The following ADAMTS19 variants were observed in gnomAD, a reference collection of about 807,000 sequenced individuals.
ADAMTS19 encodes A disintegrin and metalloproteinase with thrombospondin motifs 19.
A neutral mutation model predicts 153.3 loss-of-function variants in ADAMTS19; 93 were observed. The ratio of observed to expected loss-of-function variants is 0.61; its 90% CI spans 0.51 to 0.72. ADAMTS19 has a LOEUF of 0.72. ADAMTS19 is among the 30% of genes least tolerant of loss of function. The pLI is 0.00. For missense variants in ADAMTS19, 1,482 were observed against 1,552.1 expected (o/e 0.95, Z 0.76); for synonymous variants, 600 against 556.6 (o/e 1.08, Z -1.10).
At chr5:129,513,649 T>A (rs553608603) in intron 3 of ADAMTS19, among the ~76,000 whole-genome samples, 177 of 151,270 alleles carry the variant, frequency 1.2e-3, no homozygotes, top group African/African-American at 4.2e-3. Context: ...TTTTTTTAAA[T>A]TTTTTTGTGG....
Position 129,567,959 on chromosome 5 carries a change from G to A in ADAMTS19, c.1372+16052G>A, listed in dbSNP as rs186475484. On this transcript the variant is annotated intron_variant, in intron 7 of 22. Transcript: ENST00000274487. ...TAAGGAAACAGTGATTCCAATGACA[G>A]CCGATTTCTCATGACAAACCATGAA... Among the ~76,000 whole-genome samples, 450 of 152,214 alleles carry A rather than the reference G, an allele frequency of 3.0e-3. 9 individuals are homozygous for A. Among genetic ancestry groups the A allele is most frequent in the Middle Eastern group, 0.017 (5 of 294 alleles).
intron 21 of ADAMTS19, 54 bp downstream of exon 21, chr5:129,704,445 C>T: frequency 1.3e-6 from 2 of 1,571,888 alleles, no homozygotes; most frequent in Admixed American, 1.8e-5. Context: ...GTCAGCATTG[C>T]CCTGGGTACT....
chr5:129,648,725 A>G (rs1753178833), intron 12 of ADAMTS19, 73 bp from the exon 13 acceptor site: 1 of 1,240,966 alleles, frequency 8.1e-7, no homozygotes, highest in South Asian at 1.4e-5. Context: ...TATTAATATA[A>G]TGGCTTTTAA....
intron 10 of ADAMTS19, among the ~76,000 whole-genome samples, chr5:129,632,264 T>G (rs1752332548): frequency 6.6e-6 from 1 of 152,080 alleles, no homozygotes; most frequent in African/African-American, 2.4e-5. Flanking sequence ...ATTATAGTAC[T>G]ATTTCATTTG....
At chr5:129,507,661 CGTGT>C (rs71749669) in intron 2 of ADAMTS19, among the ~76,000 whole-genome samples, 2,033 of 142,330 alleles carry the variant, frequency 0.014, 21 homozygotes, top group Middle Eastern at 0.025. Flanking sequence ...TGCCTGTGTA[CGTGT>C]GTGTGTGTGT....
chr5:129,517,463 T>C (rs1180080534), intron 3 of ADAMTS19, among the ~76,000 whole-genome samples: 2 of 151,976 alleles, frequency 1.3e-5, no homozygotes, highest in Non-Finnish European at 2.9e-5. Context: ...ATATGGGTGC[T>C]CCAGTGTTGG....
intron 21 of ADAMTS19, among the ~76,000 whole-genome samples, chr5:129,733,676 G>A (rs1418079300): frequency 1.3e-5 from 2 of 152,034 alleles, no homozygotes; most frequent in Admixed American, 6.6e-5. Flanking sequence ...TGAGGTTGGA[G>A]AGAAAAGGGA....
At position 129,565,794 on chromosome 5, in the gene ADAMTS19, C is replaced by T. The variant is rs536918303; in HGVS notation, c.1372+13887C>T. On this transcript the variant is annotated intron_variant, in intron 7 of 22. Coordinates refer to ENST00000274487, the MANE Select transcript of ADAMTS19 (RefSeq NM_133638.6). ...ATAGAGAAGCCTTAGTATTTTCTTC[C>T]AAATCTGGATGTGAAGGGAAAAAAG... Among the ~76,000 whole-genome samples the T allele has an allele frequency of 2.6e-5, 4 of 152,032 alleles. No homozygotes were observed. In the East Asian group the frequency reaches 7.7e-4, roughly 29 times the overall value.
chr5:129,734,321 A>T (rs1757576105), intron 21 of ADAMTS19, among the ~76,000 whole-genome samples: 2 of 151,992 alleles, frequency 1.3e-5, no homozygotes, highest in South Asian at 4.1e-4. Context: ...GAAAAAAAGT[A>T]CCTTTTACCT....
intron 6 of ADAMTS19, among the ~76,000 whole-genome samples, chr5:129,534,094 G>C (rs1027346097): frequency 6.6e-6 from 1 of 152,120 alleles, no homozygotes; most frequent in Non-Finnish European, 1.5e-5. Flanking sequence ...GGAGAGTTCT[G>C]TAGATGTCTA....
At chr5:129,546,376 T>G (rs1752860227) in intron 6 of ADAMTS19, among the ~76,000 whole-genome samples, 1 of 150,218 alleles carries the variant, frequency 6.7e-6, no homozygotes, top group African/African-American at 2.5e-5. Flanking sequence ...CCCTAAAACT[T>G]AAAGTATAAT....
At chr5:129,718,833 T>C (rs573540708) in intron 21 of ADAMTS19, among the ~76,000 whole-genome samples, 2 of 152,310 alleles carry the variant, frequency 1.3e-5, no homozygotes, top group African/African-American at 4.8e-5. Flanking sequence ...TTATATTGGT[T>C]GAGGAAAAAA....
chr5:129,485,664 G>A (rs1195585533), intron 2 of ADAMTS19, among the ~76,000 whole-genome samples: 1 of 152,086 alleles, frequency 6.6e-6, no homozygotes, highest in African/African-American at 2.4e-5. Context: ...GTAAATATTT[G>A]AACTCCTTTA....
Position 129,464,593 on chromosome 5 carries a change from C to G in ADAMTS19, c.747+2836C>G, listed in dbSNP as rs890626978. 2.6e-5 allele frequency among the ~76,000 whole-genome samples: 4 copies of G among 152,184 alleles called. 1 individual carries two copies. The South Asian group carries it at 6.2e-4, about 24-fold the overall frequency. On this transcript the variant is annotated intron_variant, in intron 2 of 22. Transcript: ENST00000274487. ...TGTACCAAAGGAAATAGAACATCAG[C>G]TATCCAGTAAAGTGAACATTTATAA... is the stretch of plus-strand genomic sequence containing the variant.
In ADAMTS19 at chr5:129,501,455, T is replaced by C. The variant is rs142972939; in HGVS notation, c.748-7622T>C. Among the ~76,000 whole-genome samples the C allele has an allele frequency of 7.1e-3, 1,083 of 152,248 alleles. 3 individuals are homozygous for C. Among genetic ancestry groups the C allele is most frequent in the Non-Finnish European group, 0.01 (684 of 68,014 alleles). On this transcript the variant is annotated intron_variant, in intron 2 of 22. Coordinates refer to ENST00000274487, the MANE Select transcript of ADAMTS19 (RefSeq NM_133638.6). ...GGATGGGGCCTGGCCTGGCTATTGA[T>C]ATCAAATTTTGGATAGCTACCATCT...
chr5:129,533,864 T>C (rs897443077), intron 6 of ADAMTS19, among the ~76,000 whole-genome samples: 17 of 152,166 alleles, frequency 1.1e-4, no homozygotes, highest in Admixed American at 2.6e-4. Context: ...CCAGTAGTCA[T>C]TCAGGAGCAG....
intron 7 of ADAMTS19, among the ~76,000 whole-genome samples, chr5:129,555,265 G>A (rs965126122): frequency 6.6e-6 from 1 of 151,998 alleles, no homozygotes; most frequent in African/African-American, 2.4e-5. Context: ...TACAGGATTT[G>A]AATTTATATT....
intron 3 of ADAMTS19, among the ~76,000 whole-genome samples, chr5:129,517,950 A>G (rs1156353584): frequency 1.3e-5 from 2 of 151,920 alleles, no homozygotes; most frequent in African/African-American, 2.4e-5. Flanking sequence ...TTCTCTATGT[A>G]TTCACCATAT....
intron 15 of ADAMTS19, among the ~76,000 whole-genome samples, chr5:129,661,585 T>G (rs968288038): frequency 6.6e-6 from 1 of 152,204 alleles, no homozygotes; most frequent in African/African-American, 2.4e-5. Flanking sequence ...CTGTGCTCTA[T>G]TTAGAGTTTA....
Sources: gnomAD v4.1 joint callset for allele counts (sites outside exome capture counted in the v4.1 genomes callset) on GRCh38, gnomAD v4.1.1 for gene constraint, MANE v1.5 for transcripts, NCBI Gene and HGNC (gene_info 2026-07-23, HGNC 2026-07-21) for gene names.